PLPPR1: variants seen among roughly 807,000 people sequenced by gnomAD.
PLPPR1 encodes the protein phospholipid phosphatase-related protein type 1.
A neutral mutation model predicts 33.1 loss-of-function variants in PLPPR1; 10 were observed. The ratio of observed to expected loss-of-function variants is 0.30; its 90% CI spans 0.19 to 0.51. PLPPR1 has a LOEUF of 0.51. Ranked by LOEUF, PLPPR1 falls within the 20% of genes least tolerant of loss-of-function variation. The probability of loss-of-function intolerance (pLI) is 0.97; values close to 1 mark genes in which losing one functional copy is unlikely to be tolerated. For missense variants in PLPPR1, 304 were observed against 408.1 expected (o/e 0.74, Z 2.20); for synonymous variants, 151 against 151.0 (o/e 1.00, Z 0.00).
chr9:101,224,952 G>A (rs1435187225), intron 2 of PLPPR1, among the ~76,000 whole-genome samples: 2 of 152,124 alleles, frequency 1.3e-5, no homozygotes, highest in Non-Finnish European at 2.9e-5. Flanking sequence ...TTTCTTAAAT[G>A]TATGTATAGT....
chr9:101,172,439 A>G (rs1156481447), intron 1 of PLPPR1, among the ~76,000 whole-genome samples: 2 of 151,798 alleles, frequency 1.3e-5, no homozygotes, highest in African/African-American at 4.8e-5. Context: ...ATGCTCAATT[A>G]TTATTCAGTC....
At chr9:101,249,727 A>G (rs1318406716) in intron 2 of PLPPR1, among the ~76,000 whole-genome samples, 1 of 152,100 alleles carries the variant, frequency 6.6e-6, no homozygotes, top group Non-Finnish European at 1.5e-5. Context: ...ATGAAATGGT[A>G]CAGGTTTTTC....
intron 2 of PLPPR1, among the ~76,000 whole-genome samples, chr9:101,226,131 C>T (rs1381272178): frequency 6.6e-6 from 1 of 152,156 alleles, no homozygotes; most frequent in East Asian, 1.9e-4. Flanking sequence ...GGTTTAGCTG[C>T]TTGCACTATG....
intron 2 of PLPPR1, among the ~76,000 whole-genome samples, chr9:101,267,154 G>C (rs539588687): frequency 3.9e-5 from 6 of 152,162 alleles, no homozygotes; most frequent in Non-Finnish European, 2.9e-5. Context: ...TTGGAAGCCT[G>C]GTGTTATTTC....
At position 101,167,599 on chromosome 9, in the gene PLPPR1, A is replaced by G. The variant is rs1825880225; in HGVS notation, c.-45-17851A>G. ...AACCACTGTGGCCCTGGAGATGAGA[A>G]CTAGTGCAGACATCAAAGGGCAATG... On this transcript the variant is annotated intron_variant, in intron 1 of 7. Coordinates refer to ENST00000374874, the MANE Select transcript of PLPPR1 (RefSeq NM_207299.2). Among the ~76,000 whole-genome samples, 3 of 152,038 alleles carry G rather than the reference A, an allele frequency of 2.0e-5. No homozygotes were observed. The South Asian group carries it at 6.2e-4, about 32-fold the overall frequency.
At chr9:101,109,568 A>G (rs1831025044) in intron 1 of PLPPR1, among the ~76,000 whole-genome samples, 1 of 152,198 alleles carries the variant, frequency 6.6e-6, no homozygotes, top group African/African-American at 2.4e-5. Flanking sequence ...GTACTCACTG[A>G]GTGAATTATT....
At chr9:101,298,734 GA>G (rs1828693267) in intron 4 of PLPPR1, among the ~76,000 whole-genome samples, 1 of 151,968 alleles carries the variant, frequency 6.6e-6, no homozygotes, top group South Asian at 2.1e-4. Context: ...GAACCAAATA[GA>G]AATGTGCCCT....
chr9:101,262,960 C>G (rs185389235), intron 2 of PLPPR1, among the ~76,000 whole-genome samples: 3 of 152,062 alleles, frequency 2.0e-5, no homozygotes. Flanking sequence ...AAAATGAGAA[C>G]ACCTGGACAC....
In PLPPR1 at chr9:101,253,081, CTA is replaced by C. The variant is rs912515025; in HGVS notation, c.64-16797_64-16796del. On this transcript the variant is annotated intron_variant, in intron 2 of 7. Transcript: ENST00000374874. The stretch of plus-strand genomic sequence containing the variant: ...TTATATCTCTGATCTCCTTTGAAAA[CTA>C]TGAAACAGTAGGTTCATGAAAATAT... Among the ~76,000 whole-genome samples the C allele has an allele frequency of 1.1e-4, 16 of 152,124 alleles. 1 individual carries two copies. Among genetic ancestry groups the C allele is most frequent in the African/African-American group, 3.9e-4 (16 of 41,512 alleles).
chr9:101,202,894 C>T (rs1826518303), intron 2 of PLPPR1, among the ~76,000 whole-genome samples: 1 of 152,140 alleles, frequency 6.6e-6, no homozygotes, highest in Non-Finnish European at 1.5e-5. Flanking sequence ...CTCAGAAAAC[C>T]CTCAGGCACA....
intron 1 of PLPPR1, among the ~76,000 whole-genome samples, chr9:101,150,948 T>G (rs1414728877): frequency 6.6e-6 from 1 of 152,198 alleles, no homozygotes; most frequent in Non-Finnish European, 1.5e-5. Flanking sequence ...TGTTCACTCT[T>G]ACATATACAC....
chr9:101,162,593 C>A (rs1825781534), intron 1 of PLPPR1, among the ~76,000 whole-genome samples: 1 of 152,170 alleles, frequency 6.6e-6, no homozygotes, highest in Non-Finnish European at 1.5e-5. Flanking sequence ...GGCTTCTTAG[C>A]TTGATGGGCT....
At position 101,251,129 on chromosome 9, in the gene PLPPR1, A is replaced by G. The variant is rs142835572; in HGVS notation, c.64-18751A>G. On this transcript the variant is annotated intron_variant, in intron 2 of 7. Transcript: ENST00000374874. ...GGCATATCAAAATATGTTCAAAATT[A>G]AACTTATTTAATTTTAAACCGATAG... Among the ~76,000 whole-genome samples the G allele has an allele frequency of 3.7e-3, 564 of 152,174 alleles. 1 individual carries two copies. The highest frequency in any genetic ancestry group is 5.5e-3 in the Admixed American group (84 of 15,258).
intron 1 of PLPPR1, among the ~76,000 whole-genome samples, chr9:101,094,974 C>T (rs948259303): frequency 1.3e-5 from 2 of 152,150 alleles, no homozygotes; most frequent in Admixed American, 6.5e-5. Flanking sequence ...AGCATCAAGC[C>T]TCAGTGCTGA....
Position 101,099,623 on chromosome 9 carries a change from A to C in PLPPR1, c.-46+70521A>C, listed in dbSNP as rs115688410. On this transcript the variant is annotated intron_variant, in intron 1 of 7. Transcript: ENST00000374874. ...ACAATACGATATGACAGCCACTTAC[A>C]TAGTGCTTACATTGTATTAGGTATT... 0.014 allele frequency among the ~76,000 whole-genome samples: 2,204 copies of C among 152,244 alleles called. 94 individuals are homozygous for C. The East Asian group carries it at 0.16, about 11-fold the overall frequency.
chr9:101,317,172 G>C (rs762831380), intron 6 of PLPPR1, among the ~76,000 whole-genome samples, 193 bp from the exon 7 acceptor site: 11 of 152,128 alleles, frequency 7.2e-5, no homozygotes, highest in African/African-American at 1.2e-4. Context: ...ATGGGGTGGA[G>C]AGCGATTATT....
intron 2 of PLPPR1, among the ~76,000 whole-genome samples, chr9:101,263,759 A>G (rs1292221069): frequency 6.6e-6 from 1 of 152,170 alleles, no homozygotes; most frequent in African/African-American, 2.4e-5. Context: ...CTGTTTCCTC[A>G]AATGTAAAAT....
chr9:101,128,253 A>G (rs1411483982), intron 1 of PLPPR1, among the ~76,000 whole-genome samples: 1 of 152,228 alleles, frequency 6.6e-6, no homozygotes, highest in Admixed American at 6.5e-5. Flanking sequence ...TCAGCTGTAG[A>G]GAAATTCAAA....
intron 7 of PLPPR1, among the ~76,000 whole-genome samples, chr9:101,319,016 T>C (rs1057265683): frequency 1.2e-4 from 19 of 152,210 alleles, no homozygotes; most frequent in African/African-American, 4.1e-4. Flanking sequence ...GCATTTGGCA[T>C]TTTCCTACTC....
Sources: gnomAD v4.1 joint callset for allele counts (sites outside exome capture counted in the v4.1 genomes callset) on GRCh38, gnomAD v4.1.1 for gene constraint, MANE v1.5 for transcripts, NCBI Gene and HGNC (gene_info 2026-07-23, HGNC 2026-07-21) for gene names.